GET1: variants seen among roughly 807,000 people sequenced by gnomAD.
The protein encoded by GET1 is guided entry of tail-anchored proteins factor 1.
Under a neutral mutation model 22.6 loss-of-function variants are expected in GET1, and 20 were observed. The observed-to-expected ratio is 0.89, with a 90% CI of 0.62 to 1.29. The LOEUF (loss-of-function observed/expected upper bound fraction) is 1.29, where lower values mean the gene tolerates loss of function less well. Ranked by LOEUF, GET1 falls within the 50% of genes most tolerant of loss-of-function variation. GET1 has a pLI of 0.00. For synonymous variants in GET1, 92 were observed against 83.8 expected, an observed-to-expected ratio of 1.10 and a Z score of -0.53; for missense variants, 209 against 219.9, an observed-to-expected ratio of 0.95 and a Z score of 0.31.
chr21:39,404,569 A>C (rs2038942036), intron 4 of GET1, among the ~76,000 whole-genome samples: 1 of 151,922 alleles, frequency 6.6e-6, no homozygotes, highest in African/African-American at 2.4e-5. Context: ...ACATGGCAAA[A>C]CCATTTTTAG....
intron 4 of GET1, among the ~76,000 whole-genome samples, chr21:39,404,460 A>G (rs2038936771): frequency 6.6e-6 from 1 of 152,216 alleles, no homozygotes. Context: ...AATGATTTTC[A>G]TGGCTGGGCA....
At chr21:39,413,269 C>G (rs2040427770) in intron 1 of GET1, among the ~76,000 whole-genome samples, 1 of 151,996 alleles carries the variant, frequency 6.6e-6, no homozygotes, top group African/African-American at 2.4e-5. Context: ...TCTCTCATGC[C>G]CAGGATGCCA....
At chr21:39,426,467 C>A (rs1206838722) in intron 1 of GET1, among the ~76,000 whole-genome samples, 2 of 152,068 alleles carry the variant, frequency 1.3e-5, no homozygotes, top group Non-Finnish European at 2.9e-5. Context: ...TTATTGTAAA[C>A]CCTTGGAACC....
At chr21:39,417,817 G>C (rs1036790039) in intron 1 of GET1, among the ~76,000 whole-genome samples, 1 of 152,002 alleles carries the variant, frequency 6.6e-6, no homozygotes, top group South Asian at 2.1e-4. Flanking sequence ...CCAGGCTGGA[G>C]TGCGGTGGCG....
At chr21:39,390,650 C>T (rs1181241076) in intron 1 of GET1, 48 bp from the exon 2 acceptor site, 3 of 1,605,752 alleles carry the variant, frequency 1.9e-6, no homozygotes, top group Admixed American at 1.7e-5. Flanking sequence ...GGGAACCCTC[C>T]TGTGACCCGT....
rs911749753 is a variant in GET1, at chr21:39,397,515, G to C, written c.*576G>C. ...TAGTATTATCTACTTACTTGAGGCT[G>C]TTAATTTTTCATTACAGTGTTTTGT... On this transcript the variant is annotated 3_prime_UTR_variant, in exon 5 of 5. Coordinates refer to ENST00000649170, the MANE Select transcript of GET1 (RefSeq NM_004627.6). The C allele has an allele frequency of 1.3e-5, 2 of 152,280 alleles. No homozygotes were observed. Among genetic ancestry groups the C allele is most frequent in the Non-Finnish European group, 2.9e-5 (2 of 68,122 alleles). The allele number at this position is 152,280 out of a possible 1,614,324, so 9.4% of individuals were successfully genotyped here. A position where few individuals can be genotyped will look rare whatever the true frequency, so the allele number is the denominator to read the frequency against.
chr21:39,421,058 G>C (rs1404853954), intron 1 of GET1, among the ~76,000 whole-genome samples: 1 of 151,824 alleles, frequency 6.6e-6, no homozygotes, highest in African/African-American at 2.4e-5. Flanking sequence ...TCACACGTTT[G>C]GAGCCTGTTT....
At chr21:39,402,070 C>T (rs1047586472), downstream of GET1, among the ~76,000 whole-genome samples, 1 of 151,910 alleles carries the variant, frequency 6.6e-6, no homozygotes, top group African/African-American at 2.4e-5. Context: ...GGAAGAGTTG[C>T]GTGTCTTTCG....
intron 1 of GET1, chr21:39,381,026 A>G (rs2037523348): frequency 1.2e-6 from 1 of 858,414 alleles, no homozygotes; most frequent in Non-Finnish European, 1.4e-6. Context: ...TCTGCCAGGT[A>G]GTGAGTACAT....
In GET1 at chr21:39,393,239, C is replaced by T. The variant is rs1295729439; in HGVS notation, c.410C>T (p.Thr137Ile). The T allele has an allele frequency of 1.2e-6, 2 of 1,614,148 alleles. No individual in the cohort carries two copies. Among genetic ancestry groups the T allele is most frequent in the Non-Finnish European group, 1.7e-6 (2 of 1,180,026 alleles). Residue 137 changes from threonine (T) to isoleucine (I), a missense_variant, in exon 4 of 5, where the codon ACC (threonine) becomes ATC (isoleucine). Thr to Ile is a moderately conservative substitution (Grantham distance 89, BLOSUM62 -1). Transcript: ENST00000649170. ...GCTGTCGTGCCGAGTAAATGGATAA[C>T]CCCTCTAGACCGCCTGGTAGCCTTT... ...PVAVVPSKWI[T>I]PLDRLVAFPT...
rs896046080 is a variant in GET1 at position 39,397,245 on chromosome 21, A to T, written c.*306A>T. On this transcript the variant is annotated 3_prime_UTR_variant, in exon 5 of 5. Coordinates refer to ENST00000649170, the MANE Select transcript of GET1 (RefSeq NM_004627.6). ...GCTGTCACTTGTGATTTGCCCTCTT[A>T]TGTATTTTGGTCATATTGCCAACTG... 13 of 267,320 alleles carry T rather than the reference A, an allele frequency of 4.9e-5. No homozygotes were observed. Among genetic ancestry groups the T allele is most frequent in the Non-Finnish European group, 9.1e-5 (13 of 142,882 alleles). The allele number at this position is 267,320 out of a possible 1,614,324, so 16.6% of individuals were successfully genotyped here.
intron 1 of GET1, chr21:39,411,696 A>T (rs200422764): frequency 8.1e-7 from 1 of 1,238,362 alleles, no homozygotes; most frequent in East Asian, 2.4e-5. Flanking sequence ...ATAGATTTTG[A>T]GCAAAAGTAA....
chr21:39,392,044 G>A, intron 3 of GET1: 1 of 544,396 alleles, frequency 1.8e-6, no homozygotes, highest in Non-Finnish European at 3.2e-6. Flanking sequence ...GTTAAAGTTT[G>A]GGACTTTTTG....
chr21:39,399,444 T>A (rs541555221), downstream of GET1, among the ~76,000 whole-genome samples: 327 of 150,948 alleles, frequency 2.2e-3, 3 homozygotes, highest in South Asian at 0.027. Flanking sequence ...TTATTTTTTT[T>A]AAATTTATTT....
At chr21:39,406,240 C>G in exon 5 of GET1, 1 of 1,614,252 alleles carries the variant, frequency 6.2e-7, no homozygotes, top group African/African-American at 1.3e-5. Flanking sequence ...TGTACTATGA[C>G]TGTACCTCAT....
intron 1 of GET1, among the ~76,000 whole-genome samples, chr21:39,415,874 CCCT>C: frequency 6.6e-6 from 1 of 152,184 alleles, no homozygotes; most frequent in Non-Finnish European, 1.5e-5. Flanking sequence ...TGTTCCTCTC[CCCT>C]CTTCTTTTTT....
chr21:39,386,924 A>G (rs2037944682), intron 1 of GET1, among the ~76,000 whole-genome samples: 1 of 151,812 alleles, frequency 6.6e-6, no homozygotes, highest in Admixed American at 6.6e-5. Context: ...AACTCACAGC[A>G]GCCTCAACCT....
Position 39,392,175 on chromosome 21 carries a change from T to C in GET1, c.336+339T>C. The C allele has an allele frequency of 2.5e-5, 6 of 236,326 alleles. No homozygotes were observed. In the South Asian group the frequency reaches 3.4e-4, roughly 13 times the overall value. The allele number at this position is 236,326 out of a possible 1,614,324, so 14.6% of individuals were successfully genotyped here. A position where few individuals can be genotyped will look rare whatever the true frequency, so the allele number is the denominator to read the frequency against. On this transcript the variant is annotated intron_variant, in intron 3 of 4. Transcript: ENST00000649170. ...TAGATGACATCAGTTTTTTCTGAGA[T>C]CTTCAATACTTTTGGCCCTTACTTG...
intron 1 of GET1, chr21:39,420,608 G>T: frequency 1.1e-4 from 106 of 953,108 alleles, no homozygotes; most frequent in East Asian, 3.6e-4. Flanking sequence ...ATATATGTAT[G>T]TAAAATAAAA....
Sources: gnomAD v4.1 joint callset for allele counts (sites outside exome capture counted in the v4.1 genomes callset) on GRCh38, gnomAD v4.1.1 for gene constraint, MANE v1.5 for transcripts, NCBI Gene and HGNC (gene_info 2026-07-23, HGNC 2026-07-21) for gene names.